Variants in PIAS2 observed in about 807,000 individuals in gnomAD.
PIAS2 encodes the protein protein inhibitor of activated STAT 2, also known as E3 SUMO-protein ligase PIAS2.
In PIAS2, 19 loss-of-function variants were observed where a neutral mutation model predicts 69.7. The ratio of observed to expected loss-of-function variants is 0.27; its 90% CI spans 0.19 to 0.40. The LOEUF (loss-of-function observed/expected upper bound fraction) is 0.40, where lower values mean the gene tolerates loss of function less well. Ranked by LOEUF, PIAS2 falls within the 10% of genes least tolerant of loss-of-function variation. PIAS2 has a pLI of 1.00. For missense variants in PIAS2, 624 were observed against 757.0 expected (o/e 0.82, Z 2.06); for synonymous variants, 261 against 263.2 (o/e 0.99, Z 0.08).
At chr18:46,918,099 TAAG>T (rs1328693488), upstream of PIAS2, 2 of 151,252 alleles carry the variant, frequency 1.3e-5, no homozygotes, top group African/African-American at 4.9e-5. Context: ...AGAAGTGAAA[TAAG>T]AGCGCTCAGA....
At chr18:46,828,995 T>C (rs1006778039) in intron 10 of PIAS2, among the ~76,000 whole-genome samples, 1 of 152,238 alleles carries the variant, frequency 6.6e-6, no homozygotes, top group Admixed American at 6.5e-5. Context: ...CTTTATTTTT[T>C]CCCCTTTCTT....
At chr18:46,830,504 T>C (rs1285032960) in intron 9 of PIAS2, among the ~76,000 whole-genome samples, 1 of 151,854 alleles carries the variant, frequency 6.6e-6, no homozygotes. Context: ...TAAAGGAAAA[T>C]TTATAGCATT....
chr18:46,877,898 C>A (rs1047829029), intron 2 of PIAS2, among the ~76,000 whole-genome samples: 1 of 152,168 alleles, frequency 6.6e-6, no homozygotes, highest in African/African-American at 2.4e-5. Context: ...CTGCTTTACA[C>A]CACTATGTTT....
At chr18:46,826,505 T>A (rs1599412825) in intron 11 of PIAS2, among the ~76,000 whole-genome samples, 1 of 152,236 alleles carries the variant, frequency 6.6e-6, no homozygotes, top group South Asian at 2.1e-4. Flanking sequence ...TTTTCCACTA[T>A]ATTCTAAAGC....
At chr18:46,880,809 G>A (rs1199077998) in intron 2 of PIAS2, among the ~76,000 whole-genome samples, 1 of 152,118 alleles carries the variant, frequency 6.6e-6, no homozygotes, top group Non-Finnish European at 1.5e-5. Context: ...GTCTTGACAT[G>A]TTGGAACTAA....
intron 1 of PIAS2, chr18:46,891,561 A>T: frequency 5.0e-6 from 2 of 399,312 alleles, no homozygotes; most frequent in Non-Finnish European, 6.8e-6. Flanking sequence ...AATGCAATGA[A>T]TTTTTTACCC....
chr18:46,914,865 T>C (rs748925936), intron 1 of PIAS2, among the ~76,000 whole-genome samples: 3 of 152,154 alleles, frequency 2.0e-5, no homozygotes, highest in Non-Finnish European at 4.4e-5. Flanking sequence ...ATAATTTACT[T>C]GAGCATCACT....
intron 10 of PIAS2, 61 bp downstream of exon 10, chr18:46,829,673 G>A: frequency 3.4e-6 from 5 of 1,473,720 alleles, no homozygotes; most frequent in Non-Finnish European, 4.7e-6. Flanking sequence ...TAGGGGCCAA[G>A]ATTAATGATA....
intron 3 of PIAS2, among the ~76,000 whole-genome samples, chr18:46,857,069 A>G (rs1305376414): frequency 2.6e-5 from 4 of 152,240 alleles, no homozygotes; most frequent in Admixed American, 6.5e-5. Context: ...GCCTAAATAT[A>G]AGATGTGCTC....
At position 46,812,266 on chromosome 18, in the gene PIAS2, T is replaced by A; in HGVS notation, c.*167A>T. On this transcript the variant is annotated 3_prime_UTR_variant, in exon 14 of 14. Transcript: ENST00000585916. ...GAAAAATCCTTGCATGTCATTTGGT[T>A]CTTGTTGCAGTCTTCTGTGTTCACC... 1.9e-6 allele frequency: 1 copy of A among 533,918 alleles called. No individual in the cohort carries two copies. The highest frequency in any genetic ancestry group is 2.9e-5 in the East Asian group (1 of 34,912). The allele number at this position is 533,918 out of a possible 1,614,324, so 33.1% of individuals were successfully genotyped here. A position where few individuals can be genotyped will look rare whatever the true frequency, so the allele number is the denominator to read the frequency against.
At chr18:46,818,562 T>A in intron 12 of PIAS2, 2 of 941,864 alleles carry the variant, frequency 2.1e-6, no homozygotes. Context: ...TTATAAATTA[T>A]TAAGTTTATC....
Position 46,905,700 on chromosome 18 carries a change from A to G in PIAS2, c.24+11622T>C, listed in dbSNP as rs74694107. On this transcript the variant is annotated intron_variant, in intron 1 of 13. Transcript: ENST00000585916. ...GCTACAAATTCAAGAATGTGGATGA[A>G]ATGAACAACTTTCTATAAAAGTATG... The G allele has an allele frequency of 4.5e-4, 69 of 152,318 alleles. No individual in the cohort carries two copies. In the East Asian group the frequency reaches 0.012, roughly 26 times the overall value. The allele number at this position is 152,318 out of a possible 1,614,324, so 9.4% of individuals were successfully genotyped here.
chr18:46,883,003 A>T (rs1294250305), intron 2 of PIAS2, among the ~76,000 whole-genome samples: 3 of 151,958 alleles, frequency 2.0e-5, no homozygotes, highest in Non-Finnish European at 4.4e-5. Context: ...GCGGCAGGAA[A>T]AAAAAAATCG....
intron 9 of PIAS2, among the ~76,000 whole-genome samples, chr18:46,832,217 C>G (rs985304281): frequency 6.6e-6 from 1 of 151,646 alleles, no homozygotes; most frequent in South Asian, 2.1e-4. Context: ...GAGTTCGAGA[C>G]CAGCCTGACC....
At position 46,855,554 on chromosome 18, in the gene PIAS2, T is replaced by G. The variant is rs368244139; in HGVS notation, c.635+11A>C. 9.3e-6 allele frequency: 15 copies of G among 1,612,040 alleles called. No individual in the cohort carries two copies. The highest frequency in any genetic ancestry group is 1.3e-5 in the Non-Finnish European group (15 of 1,178,394). On this transcript the variant is annotated intron_variant, in intron 4 of 13. Coordinates refer to ENST00000585916, the MANE Select transcript of PIAS2 (RefSeq NM_004671.5). Reference sequence around the variant, plus strand: ...GTATAAAACTAAGGTAACAGAAAATTTCAAACTCACCTCAACTGAACTTGG... The same window carrying G: ...GTATAAAACTAAGGTAACAGAAAATGTCAAACTCACCTCAACTGAACTTGG...
intron 2 of PIAS2, among the ~76,000 whole-genome samples, chr18:46,883,883 G>C (rs1384653773): frequency 6.6e-6 from 1 of 152,120 alleles, no homozygotes; most frequent in Non-Finnish European, 1.5e-5. Flanking sequence ...GTATACACCT[G>C]TGGGTCCCAG....
At chr18:46,826,492 T>C (rs1394724607) in intron 11 of PIAS2, among the ~76,000 whole-genome samples, 3 of 152,246 alleles carry the variant, frequency 2.0e-5, no homozygotes, top group African/African-American at 7.2e-5. Flanking sequence ...TTGCAACTCA[T>C]GTTTTTCCAC....
chr18:46,892,938 T>C (rs1305308296), intron 1 of PIAS2, among the ~76,000 whole-genome samples: 1 of 152,146 alleles, frequency 6.6e-6, no homozygotes, highest in Non-Finnish European at 1.5e-5. Flanking sequence ...ATATCTGGTG[T>C]ATATTTTACA....
intron 2 of PIAS2, among the ~76,000 whole-genome samples, chr18:46,865,664 TA>T (rs2049335187): frequency 6.6e-6 from 1 of 152,174 alleles, no homozygotes; most frequent in Admixed American, 6.5e-5. Context: ...AGAAAAATAT[TA>T]ATTCCCTAGC....
Sources: allele counts gnomAD v4.1 joint callset (sites outside exome capture counted in the v4.1 genomes callset), GRCh38; gene constraint gnomAD v4.1.1; transcripts MANE v1.5; gene names NCBI Gene and HGNC (gene_info 2026-07-23, HGNC 2026-07-21).